TASP1: variants seen among roughly 807,000 people sequenced by gnomAD.
The protein encoded by TASP1 is taspase 1, also known as threonine aspartase 1.
In TASP1, 16 loss-of-function variants were observed where a neutral mutation model predicts 56.6. The ratio of observed to expected loss-of-function variants is 0.28; its 90% CI spans 0.19 to 0.43. TASP1 has a LOEUF of 0.43. TASP1 is among the 20% of genes least tolerant of loss of function. The pLI, the probability that TASP1 is intolerant of heterozygous loss-of-function variation, is 1.00. For missense variants in TASP1, 393 were observed against 511.6 expected (o/e 0.77, Z 2.24); for synonymous variants, 179 against 184.2 (o/e 0.97, Z 0.23).
intron 11 of TASP1, among the ~76,000 whole-genome samples, chr20:13,467,186 TACAC>T (rs3042647): frequency 0.051 from 7,556 of 146,834 alleles, 289 homozygotes; most frequent in African/African-American, 0.1. Context: ...ACACATACAA[TACAC>T]ACACACACAC....
At chr20:13,414,767 T>A (rs1447479152) in intron 13 of TASP1, among the ~76,000 whole-genome samples, 2 of 152,008 alleles carry the variant, frequency 1.3e-5, no homozygotes, top group Non-Finnish European at 2.9e-5. Flanking sequence ...TCTTATGTTA[T>A]CAAAGCAGTT....
At chr20:13,446,894 C>T (rs4814235) in intron 11 of TASP1, among the ~76,000 whole-genome samples, 104,607 of 152,004 alleles carry the variant, frequency 0.69, 36,096 homozygotes, top group African/African-American at 0.71. Flanking sequence ...GAATATGCTC[C>T]TGGACATAGA....
the TASP1 span, among the ~76,000 whole-genome samples, chr20:13,361,298 T>C: frequency 6.6e-6 from 1 of 152,216 alleles, no homozygotes; most frequent in Non-Finnish European, 1.5e-5. Flanking sequence ...ATTTCTTCCG[T>C]TCTGTTAGAC....
the TASP1 span, among the ~76,000 whole-genome samples, chr20:13,354,634 C>T: frequency 6.6e-6 from 1 of 151,972 alleles, no homozygotes; most frequent in Non-Finnish European, 1.5e-5. Flanking sequence ...CATTAAAGAA[C>T]ATAATCCTAC....
chr20:13,470,141 T>C (rs148473337), intron 11 of TASP1, among the ~76,000 whole-genome samples: 1 of 152,260 alleles, frequency 6.6e-6, no homozygotes, highest in East Asian at 1.9e-4. Flanking sequence ...AATAATGCCA[T>C]TGAGTATTAT....
In TASP1 at chr20:13,389,982, C is replaced by T. The variant is rs1459007278; in HGVS notation, c.*378G>A. 5.2e-6 allele frequency: 1 copy of T among 193,514 alleles called. No homozygotes were observed. The highest frequency in any genetic ancestry group is 9.2e-5 in the South Asian group (1 of 10,912). The allele number at this position is 193,514 out of a possible 1,614,324, so 12.0% of individuals were successfully genotyped here. ...ATCAGCGACAGTTGGTACCTCTTTA[C>T]GAAATAAAAAATGTTTCCTGCAACT... is the stretch of plus-strand genomic sequence containing the variant. On this transcript the variant is annotated 3_prime_UTR_variant, in exon 14 of 14. Transcript: ENST00000337743.
At chr20:13,575,201 T>A (rs1215350785) in intron 6 of TASP1, among the ~76,000 whole-genome samples, 1 of 152,190 alleles carries the variant, frequency 6.6e-6, no homozygotes. Context: ...GCTAACTAAA[T>A]TTTTTAAATT....
the TASP1 span, among the ~76,000 whole-genome samples, chr20:13,120,704 G>A: frequency 4.6e-5 from 7 of 152,268 alleles, no homozygotes; most frequent in East Asian, 1.2e-3. Context: ...TTAGTATGAC[G>A]ATACTACTAG....
the TASP1 span, among the ~76,000 whole-genome samples, chr20:13,363,970 C>G: frequency 6.6e-6 from 1 of 151,896 alleles, no homozygotes; most frequent in South Asian, 2.1e-4. Context: ...ATCAAGAATG[C>G]CAATTTCTTC....
At chr20:13,476,541 A>G (rs2042955965) in intron 11 of TASP1, among the ~76,000 whole-genome samples, 2 of 152,146 alleles carry the variant, frequency 1.3e-5, no homozygotes, top group East Asian at 1.9e-4. Flanking sequence ...TTCACCTTAT[A>G]TTTTATTTAC....
chr20:13,269,268 C>A, the TASP1 span, among the ~76,000 whole-genome samples: 1 of 152,166 alleles, frequency 6.6e-6, no homozygotes, highest in Non-Finnish European at 1.5e-5. Context: ...TGGAGTAAAT[C>A]TTCTGTGAGA....
the TASP1 span, among the ~76,000 whole-genome samples, chr20:13,265,597 C>T: frequency 1.3e-5 from 2 of 152,160 alleles, no homozygotes. Context: ...CCTTCCCCGC[C>T]CAAGCTCTGC....
the TASP1 span, among the ~76,000 whole-genome samples, chr20:13,107,732 G>T: frequency 6.6e-6 from 1 of 150,744 alleles, no homozygotes. Flanking sequence ...CACCTAAAGA[G>T]TTAGTTTCTG....
the TASP1 span, among the ~76,000 whole-genome samples, chr20:13,372,357 G>C: frequency 6.6e-6 from 1 of 152,114 alleles, no homozygotes; most frequent in Admixed American, 6.5e-5. Context: ...CGGCTTTCCT[G>C]GGTCTCTGTC....
chr20:13,357,871 G>C, the TASP1 span, among the ~76,000 whole-genome samples: 1 of 152,166 alleles, frequency 6.6e-6, no homozygotes, highest in African/African-American at 2.4e-5. Flanking sequence ...AGTCAGACTA[G>C]AATGAATATG....
chr20:13,126,527 T>G, the TASP1 span: 1 of 1,587,378 alleles, frequency 6.3e-7, no homozygotes. Context: ...GGACTAGATG[T>G]AATTCCCACC....
intron 10 of TASP1, among the ~76,000 whole-genome samples, chr20:13,497,865 G>A (rs1601006068): frequency 1.3e-5 from 2 of 152,234 alleles, no homozygotes; most frequent in South Asian, 2.1e-4. Context: ...CAACAAAGCT[G>A]ACAAAAATTA....
chr20:13,205,157 C>T, the TASP1 span, among the ~76,000 whole-genome samples: 1 of 152,148 alleles, frequency 6.6e-6, no homozygotes, highest in African/African-American at 2.4e-5. Context: ...ATCCATGCCT[C>T]TCCATAGGGA....
At chr20:13,545,142 A>G (rs1823702994) in intron 8 of TASP1, among the ~76,000 whole-genome samples, 1 of 152,250 alleles carries the variant, frequency 6.6e-6, no homozygotes, top group Non-Finnish European at 1.5e-5. Flanking sequence ...ATGACGATTA[A>G]AGATAAGCAT....
Sources: allele counts gnomAD v4.1 joint callset (sites outside exome capture counted in the v4.1 genomes callset), GRCh38; gene constraint gnomAD v4.1.1; transcripts MANE v1.5; gene names NCBI Gene and HGNC (gene_info 2026-07-23, HGNC 2026-07-21).